DIP2B: variants seen among roughly 807,000 people sequenced by gnomAD.
The protein encoded by DIP2B is disco-interacting protein 2 homolog B.
A neutral mutation model predicts 198.0 loss-of-function variants in DIP2B; 76 were observed. The observed-to-expected ratio is 0.38, with a 90% CI of 0.32 to 0.46. The LOEUF is 0.46. Ranked by LOEUF, DIP2B falls within the 20% of genes least tolerant of loss-of-function variation. The probability of loss-of-function intolerance (pLI) is 0.99; values close to 1 mark genes in which losing one functional copy is unlikely to be tolerated. For missense variants in DIP2B, 1,559 were observed against 1,978.4 expected (o/e 0.79, Z 4.02); for synonymous variants, 701 against 739.1 (o/e 0.95, Z 0.84).
chr12:50,594,950 C>CA (rs1593639862), intron 1 of DIP2B, among the ~76,000 whole-genome samples: 1 of 152,194 alleles, frequency 6.6e-6, no homozygotes, highest in Non-Finnish European at 1.5e-5. Flanking sequence ...GCTTGTCCTG[C>CA]AGATTCCAAG....
intron 18 of DIP2B, 35 bp from the exon 19 acceptor site, chr12:50,699,031 T>C (rs1381657792): frequency 6.2e-7 from 1 of 1,603,932 alleles, no homozygotes; most frequent in Admixed American, 1.7e-5. Flanking sequence ...TTTTCTAGAA[T>C]CTTTGTCCTT....
Position 50,505,260 on chromosome 12 carries a change from G to C in DIP2B, c.100+20G>C. 1 of 1,480,472 alleles carries C rather than the reference G, an allele frequency of 6.8e-7. No individual in the cohort carries two copies. Among genetic ancestry groups the C allele is most frequent in the Non-Finnish European group, 8.9e-7 (1 of 1,123,296 alleles). The allele number at this position is 1,480,472 out of a possible 1,614,324, so 91.7% of individuals were successfully genotyped here. On this transcript the variant is annotated intron_variant, in intron 1 of 37. Transcript: ENST00000301180. ...CGGAGGGTAGGAGCCGGGCCGGGGAGAGGGCGCCCGGGGCCCTGCGGATCG... is the reference window on the plus strand; with the variant it reads ...CGGAGGGTAGGAGCCGGGCCGGGGACAGGGCGCCCGGGGCCCTGCGGATCG...
intron 4 of DIP2B, among the ~76,000 whole-genome samples, chr12:50,668,078 G>C (rs911264167): frequency 5.3e-5 from 8 of 151,984 alleles, no homozygotes; most frequent in African/African-American, 1.9e-4. Flanking sequence ...AAAGTTTTCT[G>C]TCCCCTCCAA....
intron 21 of DIP2B, among the ~76,000 whole-genome samples, chr12:50,708,097 C>G (rs1334833830): frequency 6.6e-6 from 1 of 152,116 alleles, no homozygotes; most frequent in African/African-American, 2.4e-5. Flanking sequence ...CCGAGCCACC[C>G]TGCCCTCAGT....
At chr12:50,620,198 ACTT>A (rs1321132794) in intron 1 of DIP2B, among the ~76,000 whole-genome samples, 8 of 152,146 alleles carry the variant, frequency 5.3e-5, no homozygotes, top group African/African-American at 1.9e-4. Flanking sequence ...ACTGCTCACT[ACTT>A]ATGCGACTGT....
chr12:50,686,041 C>G (rs1939124627), intron 11 of DIP2B, 85 bp downstream of exon 11: 2 of 1,342,266 alleles, frequency 1.5e-6, no homozygotes, highest in African/African-American at 2.9e-5. Flanking sequence ...TAGCTAGGTA[C>G]TTTACATATA....
chr12:50,742,159 A>G (rs1940255870), intron 37 of DIP2B, among the ~76,000 whole-genome samples: 1 of 152,014 alleles, frequency 6.6e-6, no homozygotes, highest in Non-Finnish European at 1.5e-5. Flanking sequence ...GAACTTTGGG[A>G]GGCCAAGGCG....
chr12:50,659,159 A>T (rs1415657973), intron 3 of DIP2B, among the ~76,000 whole-genome samples: 1 of 152,204 alleles, frequency 6.6e-6, no homozygotes, highest in African/African-American at 2.4e-5. Context: ...TCAACATTTG[A>T]AAAACCCCTA....
At chr12:50,654,942 A>C (rs1938529343) in intron 3 of DIP2B, 1 of 436,590 alleles carries the variant, frequency 2.3e-6, no homozygotes, top group African/African-American at 2.0e-5. Flanking sequence ...CAGTGTGGTA[A>C]AAACTGTTTT....
At position 50,621,693 on chromosome 12, in the gene DIP2B, G is replaced by A. The variant is rs140004879; in HGVS notation, c.101-4283G>A. On this transcript the variant is annotated intron_variant, in intron 1 of 37. Transcript: ENST00000301180. ...CAGATATGTATGCAGATTTGTAGGC[G>A]CACTAGGAGGAAGTAGTGGAAGGCA... Among the ~76,000 whole-genome samples the A allele has an allele frequency of 1.8e-4, 28 of 152,268 alleles. 1 individual carries two copies. The highest frequency in any genetic ancestry group is 5.2e-4 in the Admixed American group (8 of 15,298).
chr12:50,641,213 T>C (rs2684904), intron 3 of DIP2B, among the ~76,000 whole-genome samples: 145,811 of 152,090 alleles, frequency 0.96, 70,210 homozygotes, highest in East Asian at 1. Context: ...AAAAATTAGC[T>C]GGGCATGGTG....
intron 1 of DIP2B, among the ~76,000 whole-genome samples, chr12:50,601,982 CAG>C (rs1298929666): frequency 6.6e-6 from 1 of 152,170 alleles, no homozygotes; most frequent in Non-Finnish European, 1.5e-5. Flanking sequence ...ATTTTGTGAT[CAG>C]AGAGCAAAAA....
At chr12:50,625,017 T>C (rs1937905019) in intron 1 of DIP2B, among the ~76,000 whole-genome samples, 1 of 152,266 alleles carries the variant, frequency 6.6e-6, no homozygotes, top group Non-Finnish European at 1.5e-5. Flanking sequence ...TTTGAATGTT[T>C]AAAGTACTTT....
intron 1 of DIP2B, among the ~76,000 whole-genome samples, chr12:50,559,313 C>CTTTTTTTTTTTTTTTT (rs11301460): frequency 2.4e-5 from 3 of 123,040 alleles, no homozygotes. Context: ...AATTATTTGT[C>CTTTTTTTTTTTTTTTT]TTTTTTTTTT....
At chr12:50,533,795 C>A (rs1438844866) in intron 1 of DIP2B, among the ~76,000 whole-genome samples, 2 of 151,992 alleles carry the variant, frequency 1.3e-5, no homozygotes, top group African/African-American at 4.8e-5. Context: ...ACTACTTTGC[C>A]TAGGCTGGTC....
At chr12:50,708,703 T>C in intron 22 of DIP2B, 141 bp downstream of exon 22, 1 of 659,406 alleles carries the variant, frequency 1.5e-6, no homozygotes. Context: ...ACTAGCAAAA[T>C]CAGATAATTA....
Position 50,697,156 on chromosome 12 carries a change from A to G in DIP2B, c.2029A>G (p.Met677Val), listed in dbSNP as rs769625889. The change falls in exon 17 of 38, where the codon ATG becomes GTG. Residue 677 changes from methionine to valine, a missense_variant. Met to Val is a conservative substitution (Grantham distance 21). Coordinates refer to ENST00000301180, the MANE Select transcript of DIP2B (RefSeq NM_173602.3). ...ICPCATSAEAMTVAIRRPGVP... is the reference protein window; with the variant it reads ...ICPCATSAEAVTVAIRRPGVP... ...TCCGTGCGCCACGTCTGCTGAAGCC[A>G]TGACTGTAGCAATCCGCAGGTACTG... The G allele has an allele frequency of 1.2e-6, 2 of 1,614,044 alleles. No homozygotes were observed. Among genetic ancestry groups the G allele is most frequent in the Middle Eastern group, 1.6e-4 (1 of 6,062 alleles).
At chr12:50,654,067 T>G (rs1938511930) in intron 3 of DIP2B, among the ~76,000 whole-genome samples, 2 of 151,800 alleles carry the variant, frequency 1.3e-5, no homozygotes, top group African/African-American at 4.8e-5. Context: ...AGAGACGGGG[T>G]TTTACCTTGT....
intron 1 of DIP2B, among the ~76,000 whole-genome samples, chr12:50,505,570 TGA>T (rs1189084682): frequency 6.6e-6 from 1 of 151,882 alleles, no homozygotes; most frequent in African/African-American, 2.4e-5. Context: ...CCAGGTGGGG[TGA>T]GGGGTAGGGC....
Sources: gnomAD v4.1 joint callset for allele counts (sites outside exome capture counted in the v4.1 genomes callset) on GRCh38, gnomAD v4.1.1 for gene constraint, MANE v1.5 for transcripts, NCBI Gene and HGNC (gene_info 2026-07-23, HGNC 2026-07-21) for gene names.